F13A1: variants seen among roughly 807,000 people sequenced by gnomAD.
F13A1 encodes coagulation factor XIII A chain, also known as FSF, A subunit.
F13A1 carries 47 observed loss-of-function variants against 80.1 expected under a neutral mutation model. That is an observed-to-expected ratio of 0.59 (90% CI 0.46 to 0.75). F13A1 has a LOEUF of 0.75. Ranked by LOEUF, F13A1 falls within the 30% of genes least tolerant of loss-of-function variation. F13A1 has a pLI of 0.00. For missense variants in F13A1, 817 were observed against 930.4 expected (o/e 0.88, Z 1.59); for synonymous variants, 349 against 344.9 (o/e 1.01, Z -0.13).
chr6:6,305,344 C>T lies in F13A1; in HGVS notation c.319+7G>A. ...TGTCAAGACTGGAGCTTGCACATGG[C>T]ACTCACCAATGACGTATTCCACCCT... On this transcript the variant is annotated splice_region_variant and intron_variant, in intron 3 of 14. Transcript: ENST00000264870. The T allele has an allele frequency of 6.2e-7, 1 of 1,614,174 alleles. No individual in the cohort carries two copies. Among genetic ancestry groups the T allele is most frequent in the Non-Finnish European group, 8.5e-7 (1 of 1,180,016 alleles).
At chr6:6,285,392 C>T (rs1181387104) in intron 3 of F13A1, among the ~76,000 whole-genome samples, 2 of 152,162 alleles carry the variant, frequency 1.3e-5, no homozygotes, top group Non-Finnish European at 2.9e-5. Context: ...GATTTGTAAA[C>T]AGAATTGGAA....
intron 8 of F13A1, among the ~76,000 whole-genome samples, chr6:6,202,450 T>A (rs904705386): frequency 2.0e-5 from 3 of 152,196 alleles, no homozygotes; most frequent in Non-Finnish European, 4.4e-5. Context: ...GCTCAGTAAG[T>A]GTTGGCTAAA....
intron 8 of F13A1, among the ~76,000 whole-genome samples, chr6:6,204,370 C>T (rs1761450642): frequency 6.6e-6 from 1 of 152,174 alleles, no homozygotes; most frequent in Non-Finnish European, 1.5e-5. Flanking sequence ...ATGTCTTGGA[C>T]CAACTTCAAC....
At chr6:6,146,223 A>T (rs1292673538) in intron 14 of F13A1, among the ~76,000 whole-genome samples, 1 of 152,190 alleles carries the variant, frequency 6.6e-6, no homozygotes, top group Non-Finnish European at 1.5e-5. Flanking sequence ...CTGACACTCG[A>T]ATTAGCTTTT....
intron 3 of F13A1, among the ~76,000 whole-genome samples, chr6:6,289,996 T>A (rs1758201994): frequency 6.6e-6 from 1 of 152,174 alleles, no homozygotes; most frequent in Admixed American, 6.5e-5. Context: ...AACACAGCCT[T>A]TCCTACTCAG....
chr6:6,312,843 T>A (rs1179698833), intron 2 of F13A1, among the ~76,000 whole-genome samples: 1 of 152,016 alleles, frequency 6.6e-6, no homozygotes, highest in Non-Finnish European at 1.5e-5. Context: ...GGAAAAGACA[T>A]GAGCAAGCTT....
intron 12 of F13A1, among the ~76,000 whole-genome samples, chr6:6,169,899 C>T (rs993647227): frequency 2.0e-5 from 3 of 152,196 alleles, no homozygotes; most frequent in Non-Finnish European, 4.4e-5. Context: ...CAGAGCTATT[C>T]CATTTAGAGC....
chr6:6,193,970 T>C (rs950044998), intron 10 of F13A1, among the ~76,000 whole-genome samples: 6 of 152,214 alleles, frequency 3.9e-5, no homozygotes, highest in Non-Finnish European at 1.5e-5. Flanking sequence ...AGATGAACAC[T>C]GGTCTTTTGT....
chr6:6,298,473 T>C (rs1758366907), intron 3 of F13A1, among the ~76,000 whole-genome samples: 1 of 150,062 alleles, frequency 6.7e-6, no homozygotes, highest in Admixed American at 6.6e-5. Context: ...TAGCTCTTCT[T>C]GTTGAATTGA....
intron 2 of F13A1, among the ~76,000 whole-genome samples, chr6:6,311,652 A>ATTGTTTATATAT (rs1758599297): frequency 2.0e-5 from 3 of 147,620 alleles, no homozygotes; most frequent in African/African-American, 7.3e-5. Context: ...TATATATTAT[A>ATTGTTTATATAT]TATTGTTCAT....
chr6:6,171,320 G>A (rs904778019), intron 12 of F13A1, among the ~76,000 whole-genome samples: 2 of 152,078 alleles, frequency 1.3e-5, no homozygotes, highest in East Asian at 1.9e-4. Flanking sequence ...TGAACACATC[G>A]ACTCATCTCT....
At chr6:6,228,263 T>C (rs549171988) in intron 6 of F13A1, among the ~76,000 whole-genome samples, 1 of 152,188 alleles carries the variant, frequency 6.6e-6, no homozygotes, top group South Asian at 2.1e-4. Context: ...CAAAAACCCC[T>C]AAAAGTCATT....
rs191732432 is a variant in F13A1 at position 6,184,936 on chromosome 6, C to T, written c.1306-2795G>A. Among the ~76,000 whole-genome samples the T allele has an allele frequency of 1.1e-4, 17 of 152,098 alleles. No homozygotes were observed. The East Asian group carries it at 1.4e-3, about 12-fold the overall frequency. On this transcript the variant is annotated intron_variant, in intron 10 of 14. Coordinates refer to ENST00000264870, the MANE Select transcript of F13A1 (RefSeq NM_000129.4). ...CATTAGCAAGCTTTCTTTTTGGTTTCGGCCTGTAGTGGAATGGTTCTCTAT... is the reference window on the plus strand; with the variant it reads ...CATTAGCAAGCTTTCTTTTTGGTTTTGGCCTGTAGTGGAATGGTTCTCTAT...
chr6:6,228,140 G>T (rs181924838), intron 6 of F13A1, among the ~76,000 whole-genome samples: 133 of 152,272 alleles, frequency 8.7e-4, no homozygotes, highest in African/African-American at 3.1e-3. Context: ...TGAGTCACTG[G>T]TGGTCAAGTA....
chr6:6,210,754 CTCACTCTG>C (rs1435617913), intron 8 of F13A1, among the ~76,000 whole-genome samples: 1 of 151,782 alleles, frequency 6.6e-6, no homozygotes, highest in East Asian at 1.9e-4. Flanking sequence ...GAGACCAAGT[CTCACTCTG>C]TCACCCAGGC....
chr6:6,289,921 A>T lies in F13A1; in HGVS notation c.319+15430T>A, dbSNP rs139644049. ...CACTTTCTGGAGGATTCTTTCAACT[A>T]TTCTTGCCATCAGTCACTCCCTCCA... On this transcript the variant is annotated intron_variant, in intron 3 of 14. Coordinates refer to ENST00000264870, the MANE Select transcript of F13A1 (RefSeq NM_000129.4). 6.6e-4 allele frequency among the ~76,000 whole-genome samples: 100 copies of T among 151,974 alleles called. 1 individual carries two copies. In the East Asian group the frequency reaches 0.017, roughly 25 times the overall value.
chr6:6,300,851 T>C (rs1758419136), intron 3 of F13A1, among the ~76,000 whole-genome samples: 1 of 152,072 alleles, frequency 6.6e-6, no homozygotes, highest in Non-Finnish European at 1.5e-5. Context: ...TACATTTTGG[T>C]TCACTTTTAA....
At chr6:6,222,364 T>C (rs771624744) in intron 7 of F13A1, among the ~76,000 whole-genome samples, 193 bp from the exon 8 acceptor site, 7 of 152,236 alleles carry the variant, frequency 4.6e-5, no homozygotes, top group Non-Finnish European at 1.0e-4. Flanking sequence ...GAAATCTTGC[T>C]GTGTGATCCT....
At chr6:6,314,173 G>A (rs912784971) in intron 2 of F13A1, among the ~76,000 whole-genome samples, 12 of 151,910 alleles carry the variant, frequency 7.9e-5, no homozygotes, top group African/African-American at 2.4e-4. Context: ...GTAGAGACAG[G>A]GTTTCACCAT....
Sources: allele counts gnomAD v4.1 joint callset (sites outside exome capture counted in the v4.1 genomes callset), GRCh38; gene constraint gnomAD v4.1.1; transcripts MANE v1.5; gene names NCBI Gene and HGNC (gene_info 2026-07-23, HGNC 2026-07-21).